Variants in MIA3 observed in about 807,000 individuals in gnomAD.
MIA3 encodes the protein transport and Golgi organization protein 1 homolog.
A neutral mutation model predicts 192.4 loss-of-function variants in MIA3; 90 were observed. The observed-to-expected ratio is 0.47, with a 90% CI of 0.39 to 0.56. The LOEUF is 0.56. MIA3 is among the 20% of genes least tolerant of loss of function. The probability of loss-of-function intolerance (pLI) is 0.00; values close to 1 mark genes in which losing one functional copy is unlikely to be tolerated. For synonymous variants in MIA3, 740 were observed against 792.8 expected (o/e 0.93, Z 1.12); for missense variants, 2,123 against 2,269.4 (o/e 0.94, Z 1.31).
At chr1:222,624,111 C>T (rs1004994205) in intron 2 of MIA3, among the ~76,000 whole-genome samples, 3 of 152,178 alleles carry the variant, frequency 2.0e-5, no homozygotes, top group African/African-American at 7.2e-5. Context: ...TAAAAACTCT[C>T]AGACCGCATA....
At chr1:222,661,279 T>C (rs1283032916) in intron 24 of MIA3, 2 of 152,378 alleles carry the variant, frequency 1.3e-5, no homozygotes, top group Non-Finnish European at 2.9e-5. Flanking sequence ...TGCTTTGATA[T>C]ATACCATAGT....
Position 222,621,246 on chromosome 1 carries a change from T to C in MIA3, c.221T>C (p.Val74Ala), listed in dbSNP as rs754021091. Residue 74 changes from valine to alanine, a missense_variant, in exon 2 of 28, where the codon GTT (valine) becomes GCT (alanine). Coordinates refer to ENST00000344922, the MANE Select transcript of MIA3 (RefSeq NM_198551.4). ...VNFKKGDPVY[V>A]YYKLARGWPE... ...TTTAAAAAAGGTGATCCTGTATATG[T>C]TTACTATAAACTGGCAAGAGGATGG... 6.2e-7 allele frequency: 1 copy of C among 1,613,298 alleles called. No individual in the cohort carries two copies. The highest frequency in any genetic ancestry group is 8.5e-7 in the Non-Finnish European group (1 of 1,179,742).
At chr1:222,620,436 G>T (rs1238512185) in intron 1 of MIA3, among the ~76,000 whole-genome samples, 1 of 152,082 alleles carries the variant, frequency 6.6e-6, no homozygotes, top group Admixed American at 6.5e-5. Context: ...TATACATAAG[G>T]GTATTCTTTC....
At chr1:222,658,291 T>TACC (rs1571906566) in intron 18 of MIA3, among the ~76,000 whole-genome samples, 1 of 152,242 alleles carries the variant, frequency 6.6e-6, no homozygotes, top group East Asian at 1.9e-4. Flanking sequence ...TTTATCATGG[T>TACC]ACCAGCCTTG....
intron 3 of MIA3, among the ~76,000 whole-genome samples, chr1:222,625,863 A>T (rs1348439903): frequency 6.6e-6 from 1 of 152,098 alleles, no homozygotes; most frequent in African/African-American, 2.4e-5. Flanking sequence ...CAGCCTCTGG[A>T]GTAGCTGGGA....
intron 6 of MIA3, among the ~76,000 whole-genome samples, chr1:222,643,241 A>C (rs1236762612): frequency 6.6e-6 from 1 of 152,192 alleles, no homozygotes; most frequent in Non-Finnish European, 1.5e-5. Context: ...ATCCAGTTTT[A>C]TCATTTTCCA....
At chr1:222,638,701 AAAG>A (rs1237583961) in intron 6 of MIA3, among the ~76,000 whole-genome samples, 1 of 152,222 alleles carries the variant, frequency 6.6e-6, no homozygotes, top group Admixed American at 6.5e-5. Flanking sequence ...TGTCTCAAGA[AAAG>A]AAAAAAAAAT....
At chr1:222,622,593 G>A (rs575362208) in intron 2 of MIA3, among the ~76,000 whole-genome samples, 1 of 152,346 alleles carries the variant, frequency 6.6e-6, no homozygotes, top group Non-Finnish European at 1.5e-5. Context: ...TATTTAGAGA[G>A]CATCCCAAGT....
At position 222,629,898 on chromosome 1, in the gene MIA3, G is replaced by A. The variant is rs755362852; in HGVS notation, c.2678G>A (p.Gly893Glu). The A allele has an allele frequency of 9.9e-6, 16 of 1,613,820 alleles. No homozygotes were observed. The highest frequency in any genetic ancestry group is 1.2e-5 in the Non-Finnish European group (14 of 1,179,978). ...TEKYMGTESQGSAAAEPEDDS... is the reference protein window; with the variant it reads ...TEKYMGTESQESAAAEPEDDS... ...AAGTACATGGGCACAGAAAGCCAGG[G>A]GTCTGCTGCTGCAGAACCTGAAGAT... The change falls in exon 4 of 28, where the codon GGG becomes GAG. Residue 893 changes from glycine (G) to glutamate (E), a missense_variant. Gly to Glu is a moderately conservative substitution (Grantham distance 98). Transcript: ENST00000344922.
chr1:222,667,106 T>C lies in MIA3; in HGVS notation c.*1487T>C, dbSNP rs1355461757. Reference sequence around the variant, plus strand: ...TTGTAAAAAGGAGCAAAAGCTTCAATGTGAAACAATTTTCTCTCTTTATAC... The same window carrying C: ...TTGTAAAAAGGAGCAAAAGCTTCAACGTGAAACAATTTTCTCTCTTTATAC... On this transcript the variant is annotated 3_prime_UTR_variant, in exon 28 of 28. Coordinates refer to ENST00000344922, the MANE Select transcript of MIA3 (RefSeq NM_198551.4). 6.6e-6 allele frequency: 1 copy of C among 152,216 alleles called. No homozygotes were observed. The highest frequency in any genetic ancestry group is 1.5e-5 in the Non-Finnish European group (1 of 68,030). The allele number at this position is 152,216 out of a possible 1,614,324, so 9.4% of individuals were successfully genotyped here.
chr1:222,654,507 T>C (rs1663603971), intron 17 of MIA3, 28 bp downstream of exon 17: 1 of 1,582,250 alleles, frequency 6.3e-7, no homozygotes, highest in Admixed American at 1.7e-5. Flanking sequence ...AAGAAATTGC[T>C]ATATATTGGA....
intron 1 of MIA3, among the ~76,000 whole-genome samples, chr1:222,619,412 A>T (rs779679331): frequency 1.3e-5 from 2 of 152,204 alleles, no homozygotes; most frequent in African/African-American, 4.8e-5. Flanking sequence ...ATTCAAATTG[A>T]TGTTATCAAA....
intron 5 of MIA3, among the ~76,000 whole-genome samples, 154 bp downstream of exon 5, chr1:222,632,480 A>C (rs1354744822): frequency 6.6e-6 from 1 of 152,230 alleles, no homozygotes; most frequent in African/African-American, 2.4e-5. Context: ...GTCAAGACAG[A>C]TGGAGATCAA....
In MIA3 at chr1:222,655,906, C is replaced by G. The variant is rs531566538; in HGVS notation, c.4607+1113C>G. The stretch of plus-strand genomic sequence containing the variant: ...TAAAGTCACTGTGTTAATTCAGGCC[C>G]TTGTCATCTTTTATGCCAGTCCCCT... On this transcript the variant is annotated intron_variant, in intron 18 of 27. Transcript: ENST00000344922. Among the ~76,000 whole-genome samples, 6 of 150,198 alleles carry G rather than the reference C, an allele frequency of 4.0e-5. No homozygotes were observed. The South Asian group carries it at 1.3e-3, about 31-fold the overall frequency.
intron 6 of MIA3, among the ~76,000 whole-genome samples, chr1:222,638,903 A>G (rs965040562): frequency 2.6e-5 from 4 of 152,192 alleles, no homozygotes; most frequent in African/African-American, 9.7e-5. Context: ...GAAAAGAAAT[A>G]ATGAAGATAA....
intron 15 of MIA3, 48 bp downstream of exon 15, chr1:222,653,387 T>C: frequency 8.2e-7 from 1 of 1,219,536 alleles, no homozygotes; most frequent in Non-Finnish European, 1.2e-6. Context: ...TTCCTGTCTT[T>C]AAGTGCACCA....
rs1662334234 is a variant in MIA3, at chr1:222,630,197, A to T, written c.2977A>T (p.Met993Leu). 6.2e-7 allele frequency: 1 copy of T among 1,614,124 alleles called. No individual in the cohort carries two copies. The highest frequency in any genetic ancestry group is 1.1e-5 in the South Asian group (1 of 91,084). ...ACAAATTCTGAGCATAGCAGAAAAA[A>T]TGCTTGATACTCGTGTGGCTGAAAA... ...ESQILSIAEK[M>L]LDTRVAENRD... Residue 993 changes from methionine (M) to leucine (L), a missense_variant, in exon 4 of 28, where the codon ATG (methionine) becomes TTG (leucine). By Grantham distance (15) the Met-to-Leu change is conservative. Transcript: ENST00000344922.
chr1:222,655,962 CCTTTTTTTTTT>C (rs1663700016), intron 18 of MIA3, among the ~76,000 whole-genome samples: 1 of 71,278 alleles, frequency 1.4e-5, no homozygotes, highest in Non-Finnish European at 2.5e-5. Flanking sequence ...ACTTTCTTTC[CCTTTTTTTTTT>C]TTTTTTTTTT....
chr1:222,618,295 C>T (rs1174468993), intron 1 of MIA3, 52 bp downstream of exon 1: 3 of 1,317,806 alleles, frequency 2.3e-6, no homozygotes, highest in East Asian at 3.3e-5. Flanking sequence ...CTTGGGGTCT[C>T]CGCCGGCCCC....
Sources: gnomAD v4.1 joint callset for allele counts (sites outside exome capture counted in the v4.1 genomes callset) on GRCh38, gnomAD v4.1.1 for gene constraint, MANE v1.5 for transcripts, NCBI Gene and HGNC (gene_info 2026-07-23, HGNC 2026-07-21) for gene names.